Variants in IBTK observed in about 807,000 individuals in gnomAD.
IBTK encodes inhibitor of Bruton tyrosine kinase.
IBTK carries 83 observed loss-of-function variants against 154.9 expected under a neutral mutation model. The ratio of observed to expected loss-of-function variants is 0.54; its 90% CI spans 0.45 to 0.64. The LOEUF is 0.64. Among genes scored for constraint, IBTK ranks in the 30% least tolerant of loss-of-function variants. The pLI, the probability that IBTK is intolerant of heterozygous loss-of-function variation, is 0.00. For missense variants in IBTK, 1,332 were observed against 1,584.6 expected, an observed-to-expected ratio of 0.84 and a Z score of 2.71; for synonymous variants, 515 against 536.1, an observed-to-expected ratio of 0.96 and a Z score of 0.54.
In IBTK at chr6:82,200,230, T is replaced by C. The variant is rs1360022180; in HGVS notation, c.2936A>G (p.Lys979Arg). ...NHSETMFKKA[K>R]TKAKKKPRKR... ...ACGTGGCTTCTTTTTAGCTTTTGTTTTTGCTTTCTTGAACATAGTTTCCCT... is the reference window on the plus strand; with the variant it reads ...ACGTGGCTTCTTTTTAGCTTTTGTTCTTGCTTTCTTGAACATAGTTTCCCT... Residue 979 changes from lysine (K) to arginine (R), a missense_variant, in exon 21 of 29, where the codon AAA becomes AGA. Physicochemically the swap from Lys to Arg is conservative, Grantham distance 26. Around this residue, in one of 3 missense-constraint regions of IBTK, gnomAD observed 1,134 missense variants for 1,274.7 expected, o/e 0.89. Transcript: ENST00000306270. The C allele has an allele frequency of 6.2e-7, 1 of 1,613,582 alleles. No homozygotes were observed. Among genetic ancestry groups the C allele is most frequent in the South Asian group, 1.1e-5 (1 of 91,060 alleles).
intron 23 of IBTK, among the ~76,000 whole-genome samples, chr6:82,192,485 G>A (rs1250637040): frequency 6.6e-6 from 1 of 152,176 alleles, no homozygotes; most frequent in South Asian, 2.1e-4. Flanking sequence ...GGTGGCTCAA[G>A]CCTGTAATCC....
chr6:82,206,185 C>T (rs1769404409), intron 16 of IBTK, among the ~76,000 whole-genome samples: 2 of 152,350 alleles, frequency 1.3e-5, no homozygotes, highest in South Asian at 2.1e-4. Context: ...CCCTCCTCCA[C>T]AGCAGTACTG....
At chr6:82,211,090 A>T (rs572789208) in intron 15 of IBTK, among the ~76,000 whole-genome samples, 180 bp from the exon 16 acceptor site, 1 of 152,308 alleles carries the variant, frequency 6.6e-6, no homozygotes, top group East Asian at 1.9e-4. Context: ...ACATAACATG[A>T]AAAAGGAACA....
At chr6:82,225,408 TAC>T in intron 6 of IBTK, 67 bp downstream of exon 6, 1 of 1,244,368 alleles carries the variant, frequency 8.0e-7, no homozygotes, top group Non-Finnish European at 1.1e-6. Flanking sequence ...GTCAATAACT[TAC>T]ATTTTTTTGT....
rs1217248588 is a variant in IBTK at position 82,189,174 on chromosome 6, A to G, written c.3575+1899T>C. 3 of 270,174 alleles carry G rather than the reference A, an allele frequency of 1.1e-5. No homozygotes were observed. In the Admixed American group the frequency reaches 1.5e-4, roughly 14 times the overall value. 16.7% of individuals were successfully genotyped at this position (270,174 alleles called of 1,614,324 possible). A position where few individuals can be genotyped will look rare whatever the true frequency, so the allele number is the denominator to read the frequency against. On this transcript the variant is annotated intron_variant, in intron 25 of 28. Transcript: ENST00000306270. ...TAAGATTTCCCTAGAACTTAAAGAC[A>G]TGCTGTTGCCAATTAAAAGAGCCCA...
At chr6:82,215,780 C>CAAAAAAAAA (rs59634766) in intron 11 of IBTK, among the ~76,000 whole-genome samples, 2 of 82,120 alleles carry the variant, frequency 2.4e-5, no homozygotes, top group East Asian at 3.0e-4. Flanking sequence ...GACTCCATCT[C>CAAAAAAAAA]AAAAAAAAAA....
At chr6:82,238,073 G>A (rs1388793776) in intron 2 of IBTK, among the ~76,000 whole-genome samples, 3 of 151,796 alleles carry the variant, frequency 2.0e-5, no homozygotes, top group East Asian at 1.9e-4. Flanking sequence ...GGGAAACCCC[G>A]TCTCTACTAA....
At chr6:82,183,451 T>A (rs1768390866) in intron 25 of IBTK, among the ~76,000 whole-genome samples, 1 of 151,804 alleles carries the variant, frequency 6.6e-6, no homozygotes, top group African/African-American at 2.4e-5. Context: ...AAGATAGAAA[T>A]GTTATAAACA....
At chr6:82,193,073 G>A (rs1768836698) in intron 23 of IBTK, among the ~76,000 whole-genome samples, 1 of 149,318 alleles carries the variant, frequency 6.7e-6, no homozygotes, top group Non-Finnish European at 1.5e-5. Flanking sequence ...ACTCCAGCCT[G>A]GGCAACAGAG....
At chr6:82,171,622 C>T in intron 28 of IBTK, 66 bp from the exon 29 acceptor site, 1 of 1,398,986 alleles carries the variant, frequency 7.1e-7, no homozygotes, top group Admixed American at 2.1e-5. Flanking sequence ...GATGTATTTG[C>T]CTTCCAATTT....
chr6:82,247,738 C>G lies in IBTK; in HGVS notation c.-534G>C. 1 of 397,670 alleles carries G rather than the reference C, an allele frequency of 2.5e-6. No homozygotes were observed. The highest frequency in any genetic ancestry group is 4.4e-6 in the Non-Finnish European group (1 of 225,710). The allele number at this position is 397,670 out of a possible 1,614,324, so 24.6% of individuals were successfully genotyped here. On this transcript the variant is annotated 5_prime_UTR_variant, in exon 1 of 29. Transcript: ENST00000306270. ...CAGCCGCTACTACAGGAATCGGGAA[C>G]GGGGATGTAGAGGAAGGGCCCGAGC...
At chr6:82,191,036 C>CA (rs1768747384) in intron 25 of IBTK, 37 bp downstream of exon 25, 2 of 1,435,414 alleles carry the variant, frequency 1.4e-6, no homozygotes, top group Admixed American at 3.1e-5. Flanking sequence ...AGCAAATGCA[C>CA]AAATCTATAT....
At chr6:82,201,303 T>C (rs1769201058) in intron 19 of IBTK, 119 bp downstream of exon 19, 1 of 548,178 alleles carries the variant, frequency 1.8e-6, no homozygotes, top group African/African-American at 2.0e-5. Context: ...ATCATCAGTT[T>C]TAAAAGATCC....
At chr6:82,230,447 T>C (rs941472130) in intron 4 of IBTK, among the ~76,000 whole-genome samples, 5 of 152,230 alleles carry the variant, frequency 3.3e-5, no homozygotes, top group Admixed American at 2.6e-4. Flanking sequence ...CAAATAATTC[T>C]GGAGAAGAAT....
chr6:82,240,970 TGGA>T (rs1770926063), intron 1 of IBTK, 127 bp from the exon 2 acceptor site: 3 of 395,216 alleles, frequency 7.6e-6, no homozygotes, highest in Non-Finnish European at 1.3e-5. Context: ...GTTCCATTAC[TGGA>T]ACACTAAGCT....
intron 5 of IBTK, 90 bp downstream of exon 5, chr6:82,227,102 C>T: frequency 1.3e-6 from 1 of 757,184 alleles, no homozygotes; most frequent in Non-Finnish European, 2.2e-6. Flanking sequence ...TTCGTCCTTA[C>T]AGTTGAAAAA....
chr6:82,240,666 T>A lies in IBTK; in HGVS notation c.-180A>T. The A allele has an allele frequency of 1.9e-6, 1 of 528,164 alleles. No individual in the cohort carries two copies. Among genetic ancestry groups the A allele is most frequent in the Non-Finnish European group, 3.3e-6 (1 of 307,056 alleles). 32.7% of individuals were successfully genotyped at this position (528,164 alleles called of 1,614,324 possible). ...TATCTTTATACAATTTTTTGGCACT[T>A]AAATCAAAAAAATTATAAATAGCTC... is the stretch of plus-strand genomic sequence containing the variant. On this transcript the variant is annotated 5_prime_UTR_variant, in exon 2 of 29. An upstream open reading frame in the 5' UTR loses its in-frame stop. Coordinates refer to ENST00000306270, the MANE Select transcript of IBTK (RefSeq NM_015525.4).
Position 82,214,495 on chromosome 6 carries a change from C to T in IBTK, c.1936G>A (p.Gly646Ser). ...TTTAAGTGTATTCTTGGTTTGAAGC[C>T]ATGAGTTAAAAAGTCACAAGTATCT... ...YTDTCDFLTHGFKPRIHLNKN... is the reference protein window; with the variant it reads ...YTDTCDFLTHSFKPRIHLNKN... The change falls in exon 12 of 29, where the codon GGC becomes AGC. Residue 646 changes from glycine to serine, a missense_variant. Around this residue, in one of 3 missense-constraint regions of IBTK, gnomAD observed 1,134 missense variants for 1,274.7 expected, o/e 0.89. Coordinates refer to ENST00000306270, the MANE Select transcript of IBTK (RefSeq NM_015525.4). The T allele has an allele frequency of 1.2e-6, 2 of 1,613,986 alleles. No individual in the cohort carries two copies. Among genetic ancestry groups the T allele is most frequent in the Non-Finnish European group, 1.7e-6 (2 of 1,179,984 alleles).
intron 16 of IBTK, among the ~76,000 whole-genome samples, chr6:82,208,399 T>C (rs1769494627): frequency 6.6e-6 from 1 of 152,084 alleles, no homozygotes. Context: ...ATCATGACCT[T>C]GGATTTGACA....
Sources: allele counts gnomAD v4.1 joint callset (sites outside exome capture counted in the v4.1 genomes callset), GRCh38; gene constraint gnomAD v4.1.1; regional missense constraint gnomAD v4.1.1; transcripts MANE v1.5; gene names NCBI Gene and HGNC (gene_info 2026-07-23, HGNC 2026-07-21).